The following DLG2 variants were observed in gnomAD, a reference collection of about 807,000 sequenced individuals.
The protein encoded by DLG2 is disks large homolog 2.
Under a neutral mutation model 132.5 loss-of-function variants are expected in DLG2, and 45 were observed. The ratio of observed to expected loss-of-function variants is 0.34; its 90% CI spans 0.27 to 0.44. DLG2 has a LOEUF of 0.44. Ranked by LOEUF, DLG2 falls within the 20% of genes least tolerant of loss-of-function variation. DLG2 has a pLI of 1.00. For missense variants in DLG2, 1,045 were observed against 1,196.9 expected, an observed-to-expected ratio of 0.87 and a Z score of 1.87; for synonymous variants, 424 against 419.6, an observed-to-expected ratio of 1.01 and a Z score of -0.13.
intron 7 of DLG2, chr11:84,437,756 T>C (rs967692688): frequency 2.0e-5 from 3 of 152,398 alleles, no homozygotes; most frequent in Non-Finnish European, 4.4e-5. Context: ...TGGCTAAGTA[T>C]TTGTCTGCAG....
intron 19 of DLG2, among the ~76,000 whole-genome samples, chr11:83,587,777 G>A (rs1044695371): frequency 6.6e-6 from 1 of 152,134 alleles, no homozygotes. Context: ...CAGGTCAGTG[G>A]GTGCGCGCAC....
chr11:85,394,150 T>C (rs1041111139), intron 3 of DLG2, among the ~76,000 whole-genome samples: 1 of 152,232 alleles, frequency 6.6e-6, no homozygotes, highest in Non-Finnish European at 1.5e-5. Context: ...TTTTATCTTT[T>C]TGTTTAAACA....
chr11:85,020,385 T>C (rs765731069), intron 6 of DLG2, among the ~76,000 whole-genome samples: 5 of 152,210 alleles, frequency 3.3e-5, no homozygotes, highest in Non-Finnish European at 5.9e-5. Context: ...ATGGGTAGAC[T>C]GCAAAAATTT....
intron 7 of DLG2, among the ~76,000 whole-genome samples, chr11:84,251,581 A>C (rs796591550): frequency 1.6e-4 from 24 of 151,212 alleles, no homozygotes; most frequent in African/African-American, 5.6e-4. Flanking sequence ...GATTTCTGCT[A>C]TGTGTAAGGC....
At chr11:83,660,830 C>T (rs2074065871) in intron 18 of DLG2, among the ~76,000 whole-genome samples, 1 of 152,070 alleles carries the variant, frequency 6.6e-6, no homozygotes, top group African/African-American at 2.4e-5. Flanking sequence ...CTCCCTCCTC[C>T]CATCTTGGTC....
chr11:85,461,775 T>C lies in DLG2; in HGVS notation c.40+136882A>G, dbSNP rs529388108. 7.2e-5 allele frequency among the ~76,000 whole-genome samples: 11 copies of C among 152,280 alleles called. No homozygotes were observed. The East Asian group carries it at 2.1e-3, about 29-fold the overall frequency. On this transcript the variant is annotated intron_variant, in intron 3 of 27. Coordinates refer to ENST00000376104, the MANE Select transcript of DLG2 (RefSeq NM_001142699.3). The stretch of plus-strand genomic sequence containing the variant: ...CCCTATTATGGACTGAATAAAGTAA[T>C]GGCAACAAAAGCCAAATTTGACAAA...
chr11:84,814,435 C>T (rs1347663967), intron 6 of DLG2, among the ~76,000 whole-genome samples: 1 of 152,044 alleles, frequency 6.6e-6, no homozygotes, highest in Non-Finnish European at 1.5e-5. Context: ...ACAGAAATCT[C>T]ACCATGTCTC....
At chr11:84,048,373 G>A (rs899129593) in intron 11 of DLG2, among the ~76,000 whole-genome samples, 14 of 151,370 alleles carry the variant, frequency 9.2e-5, no homozygotes, top group African/African-American at 3.4e-4. Flanking sequence ...AATTCAAAAG[G>A]ATTTAAAAAA....
intron 5 of DLG2, among the ~76,000 whole-genome samples, chr11:85,146,227 C>CCTCTCTCTCT (rs35640163): frequency 0.014 from 1,838 of 129,120 alleles, 35 homozygotes; most frequent in Non-Finnish European, 0.019. Context: ...TCTGTTTCTC[C>CCTCTCTCTCT]CTCTCTCTCT....
intron 6 of DLG2, among the ~76,000 whole-genome samples, chr11:85,023,548 C>G (rs1381647612): frequency 2.6e-5 from 4 of 151,896 alleles, no homozygotes; most frequent in Admixed American, 2.6e-4. Context: ...ATATTTAGAG[C>G]ACAAGATAAT....
chr11:84,536,014 C>T (rs2099354742), intron 6 of DLG2, among the ~76,000 whole-genome samples: 1 of 151,198 alleles, frequency 6.6e-6, no homozygotes, highest in African/African-American at 2.4e-5. Context: ...GGAAAAGTAA[C>T]AAGAACCACT....
chr11:83,803,092 GATA>G (rs1477334725), intron 17 of DLG2, among the ~76,000 whole-genome samples: 2 of 152,074 alleles, frequency 1.3e-5, no homozygotes, highest in African/African-American at 4.8e-5. Flanking sequence ...TTTAAAATAT[GATA>G]ATATTTATAG....
chr11:85,446,886 ACTT>A (rs937052697), intron 3 of DLG2, among the ~76,000 whole-genome samples: 5 of 152,096 alleles, frequency 3.3e-5, no homozygotes, highest in South Asian at 2.1e-4. Flanking sequence ...AAAATGAAAA[ACTT>A]CTAAGAAAAA....
intron 6 of DLG2, among the ~76,000 whole-genome samples, chr11:84,570,918 A>G (rs1406011132): frequency 1.3e-5 from 2 of 152,192 alleles, no homozygotes; most frequent in African/African-American, 4.8e-5. Flanking sequence ...TTGTGACTCA[A>G]AGCTTGAGGC....
intron 18 of DLG2, among the ~76,000 whole-genome samples, chr11:83,776,913 C>T (rs76052785): frequency 1.6e-3 from 248 of 152,290 alleles, no homozygotes; most frequent in African/African-American, 5.8e-3. Context: ...TCTCTGAGTA[C>T]ATTTGAGTAC....
intron 18 of DLG2, among the ~76,000 whole-genome samples, chr11:83,716,539 C>T (rs988702591): frequency 2.0e-5 from 3 of 152,116 alleles, no homozygotes; most frequent in African/African-American, 4.8e-5. Context: ...TATCTATGCT[C>T]GGGGATATAC....
intron 10 of DLG2, among the ~76,000 whole-genome samples, chr11:84,097,222 A>G (rs1046806722): frequency 1.3e-5 from 2 of 152,180 alleles, no homozygotes; most frequent in South Asian, 2.1e-4. Flanking sequence ...CCTATTCTCA[A>G]TTAGGCTTTG....
chr11:84,970,300 C>G (rs530014605), intron 6 of DLG2, among the ~76,000 whole-genome samples: 34 of 152,262 alleles, frequency 2.2e-4, no homozygotes, highest in African/African-American at 7.7e-4. Context: ...TGAACACTGT[C>G]TCTACTCCTC....
chr11:84,750,412 A>G (rs1341783181), intron 6 of DLG2, among the ~76,000 whole-genome samples: 2 of 152,206 alleles, frequency 1.3e-5, no homozygotes, highest in African/African-American at 4.8e-5. Flanking sequence ...GACTCTAGAT[A>G]CCACAACTTT....
Sources: allele counts gnomAD v4.1 joint callset (sites outside exome capture counted in the v4.1 genomes callset), GRCh38; gene constraint gnomAD v4.1.1; transcripts MANE v1.5; gene names NCBI Gene and HGNC (gene_info 2026-07-23, HGNC 2026-07-21).